HIVEP3: variants seen among roughly 807,000 people sequenced by gnomAD.
The protein encoded by HIVEP3 is HIVEP zinc finger 3.
HIVEP3 carries 49 observed loss-of-function variants against 152.8 expected under a neutral mutation model. That is an observed-to-expected ratio of 0.32 (90% CI 0.26 to 0.41). The LOEUF (loss-of-function observed/expected upper bound fraction) is 0.41. HIVEP3 is among the 10% of genes least tolerant of loss of function. The pLI is 1.00. For missense variants in HIVEP3, 2,790 were observed against 3,103.3 expected (o/e 0.90, Z 2.40); for synonymous variants, 1,269 against 1,289.0 (o/e 0.98, Z 0.33).
At chr1:41,579,591 G>C (rs1644368865) in intron 4 of HIVEP3, 146 bp downstream of exon 4, 1 of 817,624 alleles carries the variant, frequency 1.2e-6, no homozygotes, top group Admixed American at 3.0e-5. Flanking sequence ...TCCTTGTAAG[G>C]TGACCAGTCT....
intron 1 of HIVEP3, among the ~76,000 whole-genome samples, chr1:41,786,878 G>C (rs1416203934): frequency 6.6e-6 from 1 of 151,010 alleles, no homozygotes; most frequent in African/African-American, 2.4e-5. Context: ...CAGACTCCCC[G>C]GTAGCTAGGA....
chr1:41,827,979 C>T (rs189532916), intron 1 of HIVEP3, among the ~76,000 whole-genome samples: 1 of 152,210 alleles, frequency 6.6e-6, no homozygotes, highest in East Asian at 1.9e-4. Context: ...GTCCTTGTCA[C>T]TCCTAGGACA....
At chr1:41,532,876 G>A (rs1214892936) in intron 5 of HIVEP3, among the ~76,000 whole-genome samples, 1 of 152,214 alleles carries the variant, frequency 6.6e-6, no homozygotes, top group African/African-American at 2.4e-5. Flanking sequence ...CAAGACAGAA[G>A]AGGGTAGTGC....
At chr1:41,722,498 C>G (rs1307957608) in intron 1 of HIVEP3, among the ~76,000 whole-genome samples, 3 of 138,892 alleles carry the variant, frequency 2.2e-5, no homozygotes, top group African/African-American at 8.1e-5. Context: ...CTCCCCTCCC[C>G]TTCCCTTCCC....
intron 2 of HIVEP3, among the ~76,000 whole-genome samples, chr1:41,685,140 T>C (rs1646096280): frequency 6.6e-6 from 1 of 152,188 alleles, no homozygotes; most frequent in South Asian, 2.1e-4. Flanking sequence ...AGCCTTCTTC[T>C]TGGAGGAACA....
rs1336813111 is a variant in HIVEP3 at position 41,929,720 on chromosome 1, G to C, written n.120-11196C>G. 9.8e-5 allele frequency among the ~76,000 whole-genome samples: 4 copies of C among 40,674 alleles called. 1 individual carries two copies. The highest frequency in any genetic ancestry group is 9.7e-4 in the African/African-American group (4 of 4,134). 26.7% of individuals were successfully genotyped at this position (40,674 alleles called of 152,430 possible). ...TGTATATGTGTGAGTGTGTGTATATGTGTTTTTATATATATATATATATAT... is the reference window on the plus strand; with the variant it reads ...TGTATATGTGTGAGTGTGTGTATATCTGTTTTTATATATATATATATATAT... On this transcript the variant is annotated intron_variant and non_coding_transcript_variant, in intron 1 of 3. Coordinates refer to the HIVEP3 transcript ENST00000489103.
intron 1 of HIVEP3, among the ~76,000 whole-genome samples, chr1:41,856,692 G>C (rs1005671805): frequency 6.6e-6 from 1 of 152,078 alleles, no homozygotes; most frequent in Non-Finnish European, 1.5e-5. Flanking sequence ...CAAATTGGGA[G>C]GTGCAGCAGG....
At chr1:41,646,264 A>G (rs1645457727) in intron 2 of HIVEP3, among the ~76,000 whole-genome samples, 1 of 152,150 alleles carries the variant, frequency 6.6e-6, no homozygotes, top group Non-Finnish European at 1.5e-5. Flanking sequence ...GGAAGGAGGG[A>G]AGGGTTGGCT....
intron 1 of HIVEP3, among the ~76,000 whole-genome samples, chr1:42,024,848 A>G (rs1645573397): frequency 6.6e-6 from 1 of 152,222 alleles, no homozygotes; most frequent in South Asian, 2.1e-4. Flanking sequence ...TCATTTTGCC[A>G]TTATTCTTGA....
chr1:41,816,036 A>G (rs190726595), intron 1 of HIVEP3, among the ~76,000 whole-genome samples: 1 of 152,214 alleles, frequency 6.6e-6, no homozygotes, highest in Admixed American at 6.5e-5. Context: ...AGCATCCTAA[A>G]CTAATCAAGG....
At chr1:41,517,587 G>T (rs761144381) in intron 7 of HIVEP3, among the ~76,000 whole-genome samples, 6 of 152,212 alleles carry the variant, frequency 3.9e-5, no homozygotes, top group Admixed American at 1.3e-4. Flanking sequence ...TCTAAGTCCT[G>T]GGGCTGATTT....
chr1:41,584,005 TC>T lies in HIVEP3; in HGVS notation c.792del (p.Met265TrpfsTer86), dbSNP rs1487537445. 6.2e-7 allele frequency: 1 copy of T among 1,613,986 alleles called. No individual in the cohort carries two copies. The highest frequency in any genetic ancestry group is 8.5e-7 in the Non-Finnish European group (1 of 1,180,022). On this transcript the variant is annotated frameshift_variant, in exon 4 of 9. Coordinates refer to ENST00000372583, the MANE Select transcript of HIVEP3 (RefSeq NM_024503.5). LOFTEE classifies it high-confidence loss of function. The surrounding 1 kb of genome is among the most constrained non-coding windows in gnomAD (Gnocchi z 5.2). Reference sequence around the variant, plus strand: ...AACTCTTCCCCAGGGATCCGCTCCATCTCCAGCCCATGTGGGTACATCTCGC... The same window carrying T: ...AACTCTTCCCCAGGGATCCGCTCCATTCCAGCCCATGTGGGTACATCTCGC... ...MGGEMYPHGLEMERIPGEEFE... is the reference protein window; with the variant it reads ...MGGEMYPHGLXMERIPGEEFE...
At chr1:41,775,513 T>C (rs561178424) in intron 1 of HIVEP3, among the ~76,000 whole-genome samples, 71 of 152,120 alleles carry the variant, frequency 4.7e-4, no homozygotes, top group African/African-American at 1.7e-3. Flanking sequence ...TTTTTTGAGA[T>C]GGAGTCTTAC....
intron 1 of HIVEP3, among the ~76,000 whole-genome samples, chr1:42,003,024 C>A (rs1196175137): frequency 6.6e-6 from 1 of 152,048 alleles, no homozygotes; most frequent in Non-Finnish European, 1.5e-5. Context: ...TAACTGCTAA[C>A]TAATATTTTT....
chr1:41,642,910 G>A (rs930716780), intron 2 of HIVEP3, among the ~76,000 whole-genome samples: 2 of 152,114 alleles, frequency 1.3e-5, no homozygotes, highest in Non-Finnish European at 2.9e-5. Context: ...CTCAGCATGG[G>A]ACCTTGCATC....
chr1:41,882,216 C>T (rs1341897298), intron 1 of HIVEP3, among the ~76,000 whole-genome samples: 1 of 152,114 alleles, frequency 6.6e-6, no homozygotes, highest in African/African-American at 2.4e-5. Context: ...CCAGAGAAAC[C>T]AAATAAACGT....
intron 1 of HIVEP3, among the ~76,000 whole-genome samples, chr1:41,927,729 T>C (rs906907250): frequency 4.6e-5 from 7 of 152,132 alleles, no homozygotes; most frequent in African/African-American, 7.2e-5. Flanking sequence ...AAAAAAAACT[T>C]CATACCTCTC....
chr1:41,732,926 C>A (rs776094832), intron 1 of HIVEP3, among the ~76,000 whole-genome samples: 1 of 152,136 alleles, frequency 6.6e-6, no homozygotes, highest in Non-Finnish European at 1.5e-5. Flanking sequence ...CTGCCTAGTC[C>A]CCAGGATCTG....
intron 1 of HIVEP3, among the ~76,000 whole-genome samples, chr1:41,965,327 A>C (rs1645191652): frequency 6.6e-6 from 1 of 152,246 alleles, no homozygotes. Context: ...CTGAAAACTC[A>C]AAAAGCCAGA....
Sources: allele counts gnomAD v4.1 joint callset (sites outside exome capture counted in the v4.1 genomes callset), GRCh38; gene constraint gnomAD v4.1.1; non-coding constraint Gnocchi (gnomAD v3.1); transcripts MANE v1.5; gene names NCBI Gene and HGNC (gene_info 2026-07-23, HGNC 2026-07-21).